Variants in PLD2 observed in about 807,000 individuals in gnomAD.
The protein encoded by PLD2 is phospholipase D2.
PLD2 carries 101 observed loss-of-function variants against 119.8 expected under a neutral mutation model. The observed-to-expected ratio is 0.84, with a 90% CI of 0.72 to 0.99. The LOEUF (loss-of-function observed/expected upper bound fraction) is 0.99. Ranked by LOEUF, PLD2 falls within the 50% of genes least tolerant of loss-of-function variation. The probability of loss-of-function intolerance (pLI) is 0.00; values close to 1 mark genes in which losing one functional copy is unlikely to be tolerated. For missense variants in PLD2, 1,164 were observed against 1,226.8 expected (o/e 0.95, Z 0.76); for synonymous variants, 494 against 482.8 (o/e 1.02, Z -0.30).
intron 23 of PLD2, among the ~76,000 whole-genome samples, chr17:4,820,075 G>A (rs1249081858): frequency 6.6e-6 from 1 of 151,508 alleles, no homozygotes; most frequent in Non-Finnish European, 1.5e-5. Flanking sequence ...CTCCCGAGTA[G>A]CTGGGATTAC....
At position 4,822,935 on chromosome 17, in the gene PLD2, C is replaced by T. The variant is rs1907833608; in HGVS notation, c.*71C>T. Reference sequence around the variant, plus strand: ...ACGTCTGGCTCCCTGCCCCTTAACCCCAAGGACTGAGGGCAGTGCCCTTTG... The same window carrying T: ...ACGTCTGGCTCCCTGCCCCTTAACCTCAAGGACTGAGGGCAGTGCCCTTTG... On this transcript the variant is annotated 3_prime_UTR_variant, in exon 25 of 25. Coordinates refer to ENST00000263088, the MANE Select transcript of PLD2 (RefSeq NM_002663.5). 1.2e-5 allele frequency: 10 copies of T among 844,998 alleles called. No individual in the cohort carries two copies. In the Admixed American group the frequency reaches 1.7e-4, roughly 15 times the overall value. 52.3% of individuals were successfully genotyped at this position (844,998 alleles called of 1,614,324 possible).
chr17:4,808,187 C>A lies in PLD2; in HGVS notation c.240+73C>A. 1 of 1,591,770 alleles carries A rather than the reference C, an allele frequency of 6.3e-7. No homozygotes were observed. Among genetic ancestry groups the A allele is most frequent in the East Asian group, 2.2e-5 (1 of 44,538 alleles). On this transcript the variant is annotated intron_variant, in intron 3 of 24. Transcript: ENST00000263088. The surrounding 1 kb of genome is among the most constrained non-coding windows in gnomAD (Gnocchi z 4.1). ...TGGATCCAAGGTGGCTGGGCTGGCC[C>A]CAGGGAAGGGGCAAAAGGAGGGCTG...
chr17:4,811,920 T>G lies in PLD2; in HGVS notation c.1010+969T>G, dbSNP rs560718924. On this transcript the variant is annotated intron_variant, in intron 10 of 24. Transcript: ENST00000263088. ...ACTTCAACCTCCCAGGCTCAAATCA[T>G]CCTCCTGCCTCAGCCTCCCAAGTAG... Among the ~76,000 whole-genome samples, 4 of 152,066 alleles carry G rather than the reference T, an allele frequency of 2.6e-5. No homozygotes were observed. In the South Asian group the frequency reaches 8.3e-4, roughly 32 times the overall value.
rs748878137 is a variant in PLD2, at chr17:4,808,250, C to T, written c.241-24C>T. The T allele has an allele frequency of 6.3e-5, 102 of 1,612,272 alleles. No individual in the cohort carries two copies. In the East Asian group the frequency reaches 2.3e-3, roughly 36 times the overall value. ...AGGCGGGGACCCACGCAGGGGACATCCATTCAGTTCCTCATACCCCTAGGT... is the reference window on the plus strand; with the variant it reads ...AGGCGGGGACCCACGCAGGGGACATTCATTCAGTTCCTCATACCCCTAGGT... On this transcript the variant is annotated intron_variant, in intron 3 of 24. Coordinates refer to ENST00000263088, the MANE Select transcript of PLD2 (RefSeq NM_002663.5). This position sits in a 1 kb window ranked among gnomAD's most constrained non-coding sequence, Gnocchi z 4.1.
intron 17 of PLD2, 146 bp from the exon 18 acceptor site, chr17:4,817,856 G>A: frequency 3.5e-6 from 2 of 569,444 alleles, no homozygotes; most frequent in South Asian, 3.9e-5. Flanking sequence ...TACTTAGGAG[G>A]CTGAGGCAGG....
intron 6 of PLD2, 49 bp downstream of exon 6, chr17:4,809,412 T>G (rs762399452): frequency 2.5e-6 from 4 of 1,612,894 alleles, no homozygotes; most frequent in Non-Finnish European, 2.5e-6. Context: ...TATCAGACCC[T>G]CGGGGAGGAG....
At chr17:4,812,989 G>C (rs1433537954) in intron 10 of PLD2, among the ~76,000 whole-genome samples, 2 of 151,942 alleles carry the variant, frequency 1.3e-5, no homozygotes, top group East Asian at 3.9e-4. Context: ...AGGAAGTTTT[G>C]TTTGTTCGTT....
At chr17:4,821,462 C>CG (rs1907663596) in intron 23 of PLD2, among the ~76,000 whole-genome samples, 1 of 151,970 alleles carries the variant, frequency 6.6e-6, no homozygotes. Flanking sequence ...GGCGTTACCA[C>CG]GGCTCACTGC....
Position 4,808,950 on chromosome 17 carries a change from TC to T in PLD2, c.384-146del. 1.5e-6 allele frequency: 1 copy of T among 672,060 alleles called. No homozygotes were observed. The highest frequency in any genetic ancestry group is 2.7e-6 in the Non-Finnish European group (1 of 376,126). The allele number at this position is 672,060 out of a possible 1,614,324, so 41.6% of individuals were successfully genotyped here. ...CTCAAGTGATCCACCTGCTGCGGCC[TC>T]CCCAAGTGCTGGGATTCCAGGCGTG... is the stretch of plus-strand genomic sequence containing the variant. On this transcript the variant is annotated intron_variant, in intron 4 of 24. Coordinates refer to ENST00000263088, the MANE Select transcript of PLD2 (RefSeq NM_002663.5). This position sits in a 1 kb window ranked among gnomAD's most constrained non-coding sequence, Gnocchi z 4.1.
chr17:4,816,070 C>A (rs1906942192), intron 14 of PLD2, 136 bp downstream of exon 14: 7 of 696,830 alleles, frequency 1.0e-5, no homozygotes, highest in Non-Finnish European at 1.7e-5. Context: ...TTCTGGGACT[C>A]CAAGAACCCA....
At chr17:4,818,462 C>G (rs969190987) in intron 19 of PLD2, 32 bp from the exon 20 acceptor site, 1 of 1,595,424 alleles carries the variant, frequency 6.3e-7, no homozygotes, top group Non-Finnish European at 8.6e-7. Context: ...TTTGAGGGAC[C>G]AGTCGCACCT....
intron 23 of PLD2, among the ~76,000 whole-genome samples, chr17:4,821,357 A>T (rs1200651787): frequency 6.6e-6 from 1 of 152,062 alleles, no homozygotes; most frequent in African/African-American, 2.4e-5. Context: ...CTTCTTTTAC[A>T]CTTATTTTAC....
rs560349965 is a variant in PLD2, at chr17:4,812,295, G to GTTT, written c.1010+1360_1010+1362dup. On this transcript the variant is annotated intron_variant, in intron 10 of 24. Coordinates refer to ENST00000263088, the MANE Select transcript of PLD2 (RefSeq NM_002663.5). ...CCACACCCAGCTAATTTTTGTTTTG[G>GTTT]TTTTTTTTTTTTTTTTTTGAGATGG... 3.5e-4 allele frequency among the ~76,000 whole-genome samples: 42 copies of GTTT among 118,572 alleles called. 1 individual carries two copies. The highest frequency in any genetic ancestry group is 7.4e-4 in the East Asian group (3 of 4,034). The allele number at this position is 118,572 out of a possible 152,430, so 77.8% of individuals were successfully genotyped here.
chr17:4,816,755 T>G lies in PLD2; in HGVS notation c.1582+9T>G. Reference sequence around the variant, plus strand: ...GGACCGGCCTTTCGAAGGTGAAGCCTCCCACCCGCCAAAGCCCCAGAGAGC... The same window carrying G: ...GGACCGGCCTTTCGAAGGTGAAGCCGCCCACCCGCCAAAGCCCCAGAGAGC... On this transcript the variant is annotated intron_variant, in intron 15 of 24. Transcript: ENST00000263088. 1 of 1,614,092 alleles carries G rather than the reference T, an allele frequency of 6.2e-7. No individual in the cohort carries two copies. The highest frequency in any genetic ancestry group is 1.1e-5 in the South Asian group (1 of 91,072).
intron 10 of PLD2, among the ~76,000 whole-genome samples, chr17:4,813,750 T>C (rs1290934974): frequency 2.0e-5 from 3 of 152,116 alleles, no homozygotes; most frequent in Admixed American, 6.6e-5. Context: ...TTTCAGTTAC[T>C]TGGGAGGCTG....
intron 17 of PLD2, 55 bp from the exon 18 acceptor site, chr17:4,817,947 G>T: frequency 7.9e-7 from 1 of 1,257,872 alleles, no homozygotes; most frequent in African/African-American, 1.5e-5. Flanking sequence ...AACAGAGCGA[G>T]ACTCTGTCTT....
chr17:4,810,483 A>G (rs1906345881), intron 9 of PLD2, among the ~76,000 whole-genome samples: 1 of 151,930 alleles, frequency 6.6e-6, no homozygotes, highest in South Asian at 2.1e-4. Flanking sequence ...TGTCTCTACT[A>G]AAAATACAAA....
Position 4,819,307 on chromosome 17 carries a change from G to A in PLD2, c.2308+89G>A. The A allele has an allele frequency of 6.3e-7, 1 of 1,595,956 alleles. No individual in the cohort carries two copies. Among genetic ancestry groups the A allele is most frequent in the Non-Finnish European group, 8.6e-7 (1 of 1,168,612 alleles). On this transcript the variant is annotated intron_variant, in intron 22 of 24. Transcript: ENST00000263088. This position sits in a 1 kb window ranked among gnomAD's most constrained non-coding sequence, Gnocchi z 4.2. Reference sequence around the variant, plus strand: ...CAGGATGACAGAGACTGCAGCTGAGGCTCGTGTAGGGGTGGAGGGTCCAAG... The same window carrying A: ...CAGGATGACAGAGACTGCAGCTGAGACTCGTGTAGGGGTGGAGGGTCCAAG...
In PLD2 at chr17:4,817,266, C is replaced by T. The variant is rs1907081918; in HGVS notation, c.1815+7C>T. The stretch of plus-strand genomic sequence containing the variant: ...GCAGTGCACCACCGTACAGGTGAGG[C>T]CCCCCACTTCAGCCAGCCCTCCCCT... On this transcript the variant is annotated splice_region_variant and intron_variant, in intron 17 of 24. Coordinates refer to ENST00000263088, the MANE Select transcript of PLD2 (RefSeq NM_002663.5). 11 of 1,556,624 alleles carry T rather than the reference C, an allele frequency of 7.1e-6. No individual in the cohort carries two copies. The highest frequency in any genetic ancestry group is 1.4e-5 in the African/African-American group (1 of 73,966).
Sources: allele counts gnomAD v4.1 joint callset (sites outside exome capture counted in the v4.1 genomes callset), GRCh38; gene constraint gnomAD v4.1.1; non-coding constraint Gnocchi (gnomAD v3.1); transcripts MANE v1.5; gene names NCBI Gene and HGNC (gene_info 2026-07-23, HGNC 2026-07-21).